SLC39A8: variants seen among roughly 807,000 people sequenced by gnomAD.
SLC39A8 encodes the protein solute carrier family 39 member 8.
SLC39A8 carries 15 observed loss-of-function variants against 40.4 expected under a neutral mutation model. The ratio of observed to expected loss-of-function variants is 0.37; its 90% confidence interval spans 0.25 to 0.57. The LOEUF is 0.57. Among genes scored for constraint, SLC39A8 ranks in the 20% least tolerant of loss-of-function variants. The pLI is 0.75. For missense variants in SLC39A8, 472 were observed against 558.8 expected (o/e 0.84, Z 1.57); for synonymous variants, 223 against 221.6 (o/e 1.01, Z -0.06).
chr4:102,316,176 C>A (rs1560557936), intron 2 of SLC39A8, among the ~76,000 whole-genome samples: 1 of 152,046 alleles, frequency 6.6e-6, no homozygotes, highest in Non-Finnish European at 1.5e-5. Flanking sequence ...ATTGTCAGTA[C>A]CCCCTCTTAG....
chr4:102,266,732 C>T (rs1275430016), intron 8 of SLC39A8, among the ~76,000 whole-genome samples: 10 of 151,978 alleles, frequency 6.6e-5, no homozygotes, highest in African/African-American at 1.7e-4. Context: ...CTCAGACTCC[C>T]GAGTAGCTGG....
chr4:102,264,427 A>G (rs1044445417), intron 8 of SLC39A8, among the ~76,000 whole-genome samples: 1 of 152,196 alleles, frequency 6.6e-6, no homozygotes, highest in Non-Finnish European at 1.5e-5. Flanking sequence ...CATGCTGTAA[A>G]CAGATGTGTT....
At chr4:102,314,848 T>G (rs1442034343) in intron 3 of SLC39A8, among the ~76,000 whole-genome samples, 1 of 152,192 alleles carries the variant, frequency 6.6e-6, no homozygotes, top group East Asian at 1.9e-4. Context: ...CTTGTTTAAA[T>G]CTTCTCCACT....
intron 6 of SLC39A8, among the ~76,000 whole-genome samples, chr4:102,289,552 G>C (rs1256209092): frequency 1.3e-5 from 2 of 152,118 alleles, no homozygotes; most frequent in Non-Finnish European, 2.9e-5. Flanking sequence ...AAACCTTCTA[G>C]AAAGGATTCA....
chr4:102,301,601 T>G (rs1315356286), intron 6 of SLC39A8, among the ~76,000 whole-genome samples: 2 of 152,068 alleles, frequency 1.3e-5, no homozygotes, highest in African/African-American at 4.8e-5. Flanking sequence ...AGGAACTCAA[T>G]AAATGTTTAT....
At chr4:102,261,651 A>T (rs1731863500), downstream of SLC39A8, 3 of 954,812 alleles carry the variant, frequency 3.1e-6, no homozygotes, top group Non-Finnish European at 3.7e-6. Flanking sequence ...ATTAAATAAC[A>T]AATGACACAA....
At chr4:102,286,103 A>C (rs972705264) in intron 6 of SLC39A8, among the ~76,000 whole-genome samples, 3 of 152,032 alleles carry the variant, frequency 2.0e-5, no homozygotes, top group Non-Finnish European at 2.9e-5. Flanking sequence ...ATCCTTTATA[A>C]GGCAATCTTT....
Position 102,335,297 on chromosome 4 carries a change from C to T in SLC39A8, c.219+9147G>A, listed in dbSNP as rs544573013. 1.1e-4 allele frequency among the ~76,000 whole-genome samples: 16 copies of T among 152,266 alleles called. No homozygotes were observed. In the South Asian group the frequency reaches 3.3e-3, roughly 32 times the overall value. On this transcript the variant is annotated intron_variant, in intron 2 of 8. Transcript: ENST00000356736. ...ATATAAAGCAGGAACTTTTGCCAAG[C>T]TCAGAATCGGTGTACTGATTTTACT...
intron 3 of SLC39A8, among the ~76,000 whole-genome samples, chr4:102,313,598 TTA>T (rs1252344525): frequency 6.6e-6 from 1 of 152,076 alleles, no homozygotes; most frequent in Non-Finnish European, 1.5e-5. Flanking sequence ...ATCTTTATTT[TTA>T]TTTTTTTGAG....
chr4:102,284,831 C>T (rs945558958), intron 6 of SLC39A8, among the ~76,000 whole-genome samples: 1 of 59,444 alleles, frequency 1.7e-5, no homozygotes, highest in African/African-American at 1.1e-4. Context: ...TTGTTTGCAA[C>T]CCAGGAAACT....
At chr4:102,313,150 T>G (rs1406244416) in intron 3 of SLC39A8, among the ~76,000 whole-genome samples, 1 of 152,154 alleles carries the variant, frequency 6.6e-6, no homozygotes, top group East Asian at 1.9e-4. Context: ...TTTGTATATA[T>G]AAATACAGAA....
At chr4:102,257,931 T>C (rs1312975667), downstream of SLC39A8, among the ~76,000 whole-genome samples, 2 of 152,170 alleles carry the variant, frequency 1.3e-5, no homozygotes, top group African/African-American at 4.8e-5. Context: ...AGGGCTCTCC[T>C]GCTGTTTGCA....
chr4:102,320,185 A>ATG (rs1734853936), intron 2 of SLC39A8, among the ~76,000 whole-genome samples: 1 of 94,042 alleles, frequency 1.1e-5, no homozygotes, highest in African/African-American at 4.0e-5. Flanking sequence ...ATATATATAT[A>ATG]TATATGTATA....
At chr4:102,274,463 A>AACCT (rs1732521894) in intron 6 of SLC39A8, among the ~76,000 whole-genome samples, 1 of 152,234 alleles carries the variant, frequency 6.6e-6, no homozygotes, top group Non-Finnish European at 1.5e-5. Flanking sequence ...GAAAAGACCA[A>AACCT]ACCTACGTTT....
chr4:102,294,822 C>A (rs768269560), intron 6 of SLC39A8, among the ~76,000 whole-genome samples: 42 of 151,874 alleles, frequency 2.8e-4, no homozygotes, highest in Non-Finnish European at 4.6e-4. Flanking sequence ...AAACTTATGA[C>A]CAAAACGCAT....
rs944822806 is a variant in SLC39A8 at position 102,262,273 on chromosome 4, T to C, written c.*771A>G. On this transcript the variant is annotated 3_prime_UTR_variant, in exon 9 of 9. Transcript: ENST00000356736. ...CACATGGTGCACTGAAACCGAGGTG[T>C]TACCAGCTTTACATACTGTTCTGCC... is the stretch of plus-strand genomic sequence containing the variant. 9.1e-6 allele frequency: 9 copies of C among 985,662 alleles called. No individual in the cohort carries two copies. Among genetic ancestry groups the C allele is most frequent in the Middle Eastern group, 5.2e-4 (1 of 1,936 alleles). The allele number at this position is 985,662 out of a possible 1,614,324, so 61.1% of individuals were successfully genotyped here. A position where few individuals can be genotyped will look rare whatever the true frequency, so the allele number is the denominator to read the frequency against.
intron 6 of SLC39A8, among the ~76,000 whole-genome samples, chr4:102,275,860 C>T (rs1001917718): frequency 2.6e-5 from 4 of 152,108 alleles, no homozygotes; most frequent in East Asian, 1.9e-4. Context: ...TACATGGAAA[C>T]GGAACAAACT....
At chr4:102,259,440 C>A, downstream of SLC39A8, 1 of 1,518,922 alleles carries the variant, frequency 6.6e-7, no homozygotes, top group Non-Finnish European at 8.9e-7. Context: ...TAAAATTGTT[C>A]CTTGTTATTC....
At chr4:102,267,425 T>C (rs2149004573) in intron 8 of SLC39A8, 65 bp downstream of exon 8, 3 of 1,446,842 alleles carry the variant, frequency 2.1e-6, no homozygotes, top group Non-Finnish European at 2.8e-6. Flanking sequence ...CTTAGTTAAC[T>C]TATAATCCAG....
Sources: allele counts gnomAD v4.1 joint callset (sites outside exome capture counted in the v4.1 genomes callset), GRCh38; gene constraint gnomAD v4.1.1; transcripts MANE v1.5; gene names NCBI Gene and HGNC (gene_info 2026-07-23, HGNC 2026-07-21).